The following NBEAL1 variants were observed in gnomAD, a reference collection of about 807,000 sequenced individuals.
The protein encoded by NBEAL1 is neurobeachin like 1, also known as neurobeachin-like protein 1.
In NBEAL1, 273 loss-of-function variants were observed where a neutral mutation model predicts 351.3. The observed-to-expected ratio is 0.78, with a 90% confidence interval of 0.70 to 0.86. The LOEUF (loss-of-function observed/expected upper bound fraction) is 0.86. Ranked by LOEUF, NBEAL1 falls within the 40% of genes least tolerant of loss-of-function variation. The probability of loss-of-function intolerance (pLI) is 0.00; values close to 1 mark genes in which losing one functional copy is unlikely to be tolerated. For synonymous variants in NBEAL1, 1,050 were observed against 1,086.4 expected (o/e 0.97, Z 0.66); for missense variants, 2,961 against 3,201.3 (o/e 0.92, Z 1.81).
At chr2:203,025,039 T>C (rs2060834525) in intron 2 of NBEAL1, among the ~76,000 whole-genome samples, 3 of 152,226 alleles carry the variant, frequency 2.0e-5, no homozygotes, top group Non-Finnish European at 4.4e-5. Flanking sequence ...TAGATAGATG[T>C]TTCCTCTTTA....
At position 203,114,892 on chromosome 2, in the gene NBEAL1, C is replaced by T. The variant is rs144455562; in HGVS notation, c.2507-1093C>T. ...TCAGCCTCCCAAGTAGCTAGGATTA[C>T]AGGTGTGTGCCACCACACCCAGCTA... On this transcript the variant is annotated intron_variant, in intron 17 of 55. Transcript: ENST00000683969. 2.9e-3 allele frequency among the ~76,000 whole-genome samples: 436 copies of T among 151,870 alleles called. 1 individual carries two copies. Among genetic ancestry groups the T allele is most frequent in the Non-Finnish European group, 4.8e-3 (326 of 67,962 alleles).
chr2:203,170,904 T>G (rs2064298515), intron 39 of NBEAL1, among the ~76,000 whole-genome samples: 1 of 152,160 alleles, frequency 6.6e-6, no homozygotes, highest in Admixed American at 6.5e-5. Flanking sequence ...CAAGACACTG[T>G]TTTTTAATAT....
Position 203,175,197 on chromosome 2 carries a change from G to T in NBEAL1, c.6374G>T (p.Gly2125Val), listed in dbSNP as rs2064461197. Residue 2125 changes from glycine to valine, a missense_variant, in exon 42 of 56, where the codon GGT becomes GTT. By Grantham distance (109) the Gly-to-Val change is moderately radical (BLOSUM62 -3). Coordinates refer to ENST00000683969, the MANE Select transcript of NBEAL1 (RefSeq NM_001378026.1). The part of the protein sequence containing the change: ...PMGTIDKFHY[G>V]THYSNSAGVM... ...GGAACTATTGATAAGTTTCACTATG[G>T]TACTCACTATTCAAATTCTGCGGGG... The T allele has an allele frequency of 1.7e-5, 28 of 1,613,200 alleles. No individual in the cohort carries two copies. The highest frequency in any genetic ancestry group is 2.4e-5 in the Non-Finnish European group (28 of 1,179,406).
intron 42 of NBEAL1, 42 bp downstream of exon 42, chr2:203,175,329 A>G (rs200336724): frequency 2.7e-5 from 43 of 1,603,394 alleles, no homozygotes; most frequent in Non-Finnish European, 7.7e-6. Flanking sequence ...TGACTATGTT[A>G]GTGTTGAAAA....
chr2:203,105,330 G>A (rs2062412340), intron 12 of NBEAL1, among the ~76,000 whole-genome samples: 1 of 152,032 alleles, frequency 6.6e-6, no homozygotes, highest in South Asian at 2.1e-4. Context: ...GCCAGGCATG[G>A]TGGCGGGCGC....
intron 2 of NBEAL1, among the ~76,000 whole-genome samples, chr2:203,034,639 A>G (rs2061012694): frequency 6.7e-6 from 1 of 148,242 alleles, no homozygotes; most frequent in Admixed American, 6.8e-5. Flanking sequence ...TTTTTAGTAG[A>G]GATAGGGTTT....
At chr2:203,099,054 C>G (rs2062246930) in intron 11 of NBEAL1, among the ~76,000 whole-genome samples, 1 of 151,862 alleles carries the variant, frequency 6.6e-6, no homozygotes, top group Admixed American at 6.6e-5. Context: ...GTGGGTGGAT[C>G]CACTTGAGGT....
chr2:203,021,378 G>C (rs1348524403), intron 2 of NBEAL1, among the ~76,000 whole-genome samples: 7 of 151,838 alleles, frequency 4.6e-5, no homozygotes, highest in Non-Finnish European at 1.0e-4. Context: ...TGGATCACTT[G>C]AGCTTGGGAG....
Position 203,115,982 on chromosome 2 carries a change from C to A in NBEAL1, c.2507-3C>A. On this transcript the variant is annotated splice_polypyrimidine_tract_variant and splice_region_variant and intron_variant, in intron 17 of 55. Coordinates refer to ENST00000683969, the MANE Select transcript of NBEAL1 (RefSeq NM_001378026.1). Reference sequence around the variant, plus strand: ...TGTGTATGTGTGTGTAAATAATTTTCAGGTCCAAATTGTTTAAGCCCTTGG... The same window carrying A: ...TGTGTATGTGTGTGTAAATAATTTTAAGGTCCAAATTGTTTAAGCCCTTGG... 1 of 1,547,976 alleles carries A rather than the reference C, an allele frequency of 6.5e-7. No individual in the cohort carries two copies. Among genetic ancestry groups the A allele is most frequent in the South Asian group, 1.2e-5 (1 of 83,990 alleles).
At chr2:203,137,521 C>T (rs1487629881) in intron 29 of NBEAL1, among the ~76,000 whole-genome samples, 1 of 152,130 alleles carries the variant, frequency 6.6e-6, no homozygotes, top group African/African-American at 2.4e-5. Context: ...CTAACCTTGC[C>T]AATTTCCAGC....
At chr2:203,054,069 G>A (rs1253030896) in intron 4 of NBEAL1, among the ~76,000 whole-genome samples, 1 of 151,976 alleles carries the variant, frequency 6.6e-6, no homozygotes, top group East Asian at 1.9e-4. Flanking sequence ...TCCCACCTCA[G>A]CCTCAGCCTC....
At chr2:203,051,122 ATGAT>A (rs2106075581) in intron 4 of NBEAL1, among the ~76,000 whole-genome samples, 1 of 152,340 alleles carries the variant, frequency 6.6e-6, no homozygotes, top group African/African-American at 2.4e-5. Context: ...GAATTATGGA[ATGAT>A]TGATCAATAA....
At chr2:203,069,422 G>C (rs2061644818) in intron 7 of NBEAL1, among the ~76,000 whole-genome samples, 1 of 152,102 alleles carries the variant, frequency 6.6e-6, no homozygotes, top group Non-Finnish European at 1.5e-5. Context: ...AACCCAGCCT[G>C]CCAGTAGAAC....
intron 2 of NBEAL1, among the ~76,000 whole-genome samples, chr2:203,031,321 T>C (rs1437151808): frequency 2.0e-5 from 3 of 152,248 alleles, no homozygotes; most frequent in Non-Finnish European, 2.9e-5. Flanking sequence ...ACAATTGTGA[T>C]CGTTCCTATG....
intron 10 of NBEAL1, among the ~76,000 whole-genome samples, chr2:203,093,441 A>T (rs1174266100): frequency 6.6e-6 from 1 of 152,170 alleles, no homozygotes; most frequent in Non-Finnish European, 1.5e-5. Context: ...TGTTCTTTAT[A>T]GGCCAAAGTT....
chr2:203,018,511 G>T (rs2060716569), intron 2 of NBEAL1, among the ~76,000 whole-genome samples: 1 of 152,090 alleles, frequency 6.6e-6, no homozygotes, highest in Non-Finnish European at 1.5e-5. Context: ...TATATACAGG[G>T]AGAATGCTTA....
intron 25 of NBEAL1, among the ~76,000 whole-genome samples, chr2:203,130,871 G>A (rs995059076): frequency 6.6e-6 from 1 of 152,194 alleles, no homozygotes; most frequent in Non-Finnish European, 1.5e-5. Context: ...ACTTCATGAA[G>A]TGGGTATTAT....
rs2065160446 is a variant in NBEAL1 at position 203,193,735 on chromosome 2, A to G, written c.6922-60A>G. Reference sequence around the variant, plus strand: ...GCTAGAGCCTAGTGTATATGAAGGAACATAGTGAGAGATTAATAACATAGA... The same window carrying G: ...GCTAGAGCCTAGTGTATATGAAGGAGCATAGTGAGAGATTAATAACATAGA... On this transcript the variant is annotated intron_variant, in intron 46 of 55. Coordinates refer to ENST00000683969, the MANE Select transcript of NBEAL1 (RefSeq NM_001378026.1). 3.5e-6 allele frequency: 4 copies of G among 1,141,974 alleles called. No homozygotes were observed. The East Asian group carries it at 7.1e-5, about 20-fold the overall frequency. The allele number at this position is 1,141,974 out of a possible 1,614,324, so 70.7% of individuals were successfully genotyped here.
intron 46 of NBEAL1, chr2:203,190,635 C>T (rs1220494863): frequency 2.2e-6 from 1 of 458,776 alleles, no homozygotes; most frequent in African/African-American, 2.5e-5. Context: ...TAGCTAACAT[C>T]TGCCCAAAAA....
Sources: gnomAD v4.1 joint callset for allele counts (sites outside exome capture counted in the v4.1 genomes callset) on GRCh38, gnomAD v4.1.1 for gene constraint, MANE v1.5 for transcripts, NCBI Gene and HGNC (gene_info 2026-07-23, HGNC 2026-07-21) for gene names.